Variants in GSK3B observed in about 807,000 individuals in gnomAD.
GSK3B encodes glycogen synthase kinase-3 beta.
GSK3B carries 15 observed loss-of-function variants against 56.4 expected under a neutral mutation model. The ratio of observed to expected loss-of-function variants is 0.27; its 90% confidence interval spans 0.18 to 0.41. The LOEUF is 0.41. GSK3B is among the 10% of genes least tolerant of loss of function. The pLI is 1.00. For synonymous variants in GSK3B, 181 were observed against 188.9 expected (o/e 0.96, Z 0.34); for missense variants, 300 against 513.4 (o/e 0.58, Z 4.02).
At chr3:120,024,851 G>C (rs532729065) in intron 1 of GSK3B, among the ~76,000 whole-genome samples, 6 of 152,246 alleles carry the variant, frequency 3.9e-5, no homozygotes, top group African/African-American at 1.2e-4. Context: ...AACATTAATG[G>C]CAGAAGGCAT....
chr3:119,975,391 G>A (rs1476408682), intron 2 of GSK3B, among the ~76,000 whole-genome samples: 1 of 152,072 alleles, frequency 6.6e-6, no homozygotes, highest in Non-Finnish European at 1.5e-5. Context: ...AAGTTGCAGT[G>A]AGCTAAGATT....
rs576206454 is a variant in GSK3B, at chr3:119,983,530, A to AG, written c.282+18515dup. 1.8e-4 allele frequency among the ~76,000 whole-genome samples: 27 copies of AG among 151,140 alleles called. No homozygotes were observed. In the South Asian group the frequency reaches 4.0e-3, roughly 22 times the overall value. On this transcript the variant is annotated intron_variant, in intron 2 of 10. Transcript: ENST00000264235. Reference sequence around the variant, plus strand: ...AGGAAGATTTACCAAGCAAATGGAGAGAAAAAAAAAAAAGCAGGGGTTGCA... The same window carrying AG: ...AGGAAGATTTACCAAGCAAATGGAGAGGAAAAAAAAAAAAGCAGGGGTTGCA...
chr3:120,004,354 G>A (rs1263435263), intron 1 of GSK3B, among the ~76,000 whole-genome samples: 1 of 152,210 alleles, frequency 6.6e-6, no homozygotes, highest in Non-Finnish European at 1.5e-5. Flanking sequence ...CTGAACAAAA[G>A]GCAGCAGACA....
At chr3:119,902,747 G>A (rs1028852991) in intron 7 of GSK3B, among the ~76,000 whole-genome samples, 5 of 151,802 alleles carry the variant, frequency 3.3e-5, no homozygotes, top group African/African-American at 1.2e-4. Context: ...ACACAGTCTC[G>A]CTCTGTCACA....
chr3:120,004,882 C>T lies in GSK3B; in HGVS notation c.89-2643G>A, dbSNP rs1054398648. Among the ~76,000 whole-genome samples, 7 of 152,226 alleles carry T rather than the reference C, an allele frequency of 4.6e-5. No homozygotes were observed. In the East Asian group the frequency reaches 1.2e-3, roughly 25 times the overall value. On this transcript the variant is annotated intron_variant, in intron 1 of 10. Transcript: ENST00000264235. ...ACGCCTCTTCTCCTCCAAAGAAACA[C>T]AACTACTCGCCAGCAAGGGAACAAA... is the stretch of plus-strand genomic sequence containing the variant.
At chr3:119,931,353 C>T (rs532987238) in intron 3 of GSK3B, among the ~76,000 whole-genome samples, 1 of 152,322 alleles carries the variant, frequency 6.6e-6, no homozygotes, top group South Asian at 2.1e-4. Flanking sequence ...CAGTGGCTCA[C>T]GCCAGCAGTC....
chr3:119,993,946 C>T (rs981274628), intron 2 of GSK3B, among the ~76,000 whole-genome samples: 2 of 152,276 alleles, frequency 1.3e-5, no homozygotes, highest in Non-Finnish European at 2.9e-5. Flanking sequence ...GTGATGCAAT[C>T]TCAGCTCACT....
chr3:119,889,692 C>T (rs1018244094), intron 7 of GSK3B, among the ~76,000 whole-genome samples: 1 of 152,116 alleles, frequency 6.6e-6, no homozygotes, highest in African/African-American at 2.4e-5. Flanking sequence ...AACTTAAACT[C>T]AACCACAGTG....
intron 2 of GSK3B, among the ~76,000 whole-genome samples, chr3:119,993,898 G>GAGAC (rs962402076): frequency 5.3e-5 from 8 of 151,988 alleles, no homozygotes; most frequent in African/African-American, 1.9e-4. Flanking sequence ...AATTTTTTTT[G>GAGAC]AGACAGAGTC....
chr3:119,917,146 A>G (rs2056789173), intron 4 of GSK3B, among the ~76,000 whole-genome samples: 1 of 152,202 alleles, frequency 6.6e-6, no homozygotes, highest in South Asian at 2.1e-4. Flanking sequence ...ACAATTAAAA[A>G]AAAAGATACT....
chr3:120,001,612 T>C (rs978069087), intron 2 of GSK3B, among the ~76,000 whole-genome samples: 17 of 152,282 alleles, frequency 1.1e-4, no homozygotes, highest in African/African-American at 4.1e-4. Context: ...TTTATAGAGA[T>C]GCAAAAACAG....
intron 5 of GSK3B, among the ~76,000 whole-genome samples, chr3:119,914,199 T>A (rs1284878620): frequency 6.6e-6 from 1 of 151,970 alleles, no homozygotes; most frequent in Admixed American, 6.6e-5. Context: ...TTGGCCCCTT[T>A]TCATCTAGTA....
intron 10 of GSK3B, among the ~76,000 whole-genome samples, chr3:119,832,775 A>T (rs1172137560): frequency 6.6e-6 from 1 of 152,244 alleles, no homozygotes; most frequent in African/African-American, 2.4e-5. Context: ...GTGACATAAG[A>T]GGTAAAACAC....
intron 1 of GSK3B, among the ~76,000 whole-genome samples, chr3:120,031,588 GAGA>G (rs2057976344): frequency 6.6e-6 from 1 of 152,168 alleles, no homozygotes; most frequent in African/African-American, 2.4e-5. Flanking sequence ...GGTGAAGTAG[GAGA>G]AGGAGAAAAC....
intron 2 of GSK3B, among the ~76,000 whole-genome samples, chr3:119,963,386 A>G (rs1001903866): frequency 3.3e-5 from 5 of 152,178 alleles, no homozygotes; most frequent in Non-Finnish European, 5.9e-5. Flanking sequence ...ATTCAAAGCA[A>G]TTTTGAGCAA....
At chr3:119,988,514 T>A (rs761902300) in intron 2 of GSK3B, among the ~76,000 whole-genome samples, 1 of 152,246 alleles carries the variant, frequency 6.6e-6, no homozygotes, top group African/African-American at 2.4e-5. Flanking sequence ...TTAACTGGAA[T>A]AATATGCTTT....
intron 2 of GSK3B, among the ~76,000 whole-genome samples, chr3:119,957,797 G>A (rs1388798743): frequency 6.6e-6 from 1 of 152,182 alleles, no homozygotes; most frequent in Non-Finnish European, 1.5e-5. Context: ...TAAACCAGGT[G>A]TGTCAGATTC....
intron 2 of GSK3B, among the ~76,000 whole-genome samples, chr3:119,981,623 G>A (rs749848874): frequency 9.9e-5 from 15 of 152,270 alleles, no homozygotes; most frequent in Non-Finnish European, 1.5e-4. Context: ...GATCTGTCAG[G>A]CGGCAGCCTG....
intron 9 of GSK3B, among the ~76,000 whole-genome samples, chr3:119,861,562 C>T (rs1435304322): frequency 3.4e-5 from 5 of 147,720 alleles, no homozygotes; most frequent in African/African-American, 1.2e-4. Flanking sequence ...AACCAAAAAA[C>T]AACAACAAAA....
Sources: gnomAD v4.1 joint callset for allele counts (sites outside exome capture counted in the v4.1 genomes callset) on GRCh38, gnomAD v4.1.1 for gene constraint, MANE v1.5 for transcripts, NCBI Gene and HGNC (gene_info 2026-07-23, HGNC 2026-07-21) for gene names.